The following FRMD4A variants were observed in gnomAD, a reference collection of about 807,000 sequenced individuals.
FRMD4A encodes the protein FERM domain containing 4A, also known as FERM domain-containing protein 4A.
A neutral mutation model predicts 129.1 loss-of-function variants in FRMD4A; 29 were observed. That is an observed-to-expected ratio of 0.22 (90% CI 0.17 to 0.31). The LOEUF is 0.31. FRMD4A is among the 10% of genes least tolerant of loss of function. The probability of loss-of-function intolerance (pLI) is 1.00; values close to 1 mark genes in which losing one functional copy is unlikely to be tolerated. For missense variants in FRMD4A, 1,272 were observed against 1,375.8 expected (o/e 0.92, Z 1.19); for synonymous variants, 634 against 571.6 (o/e 1.11, Z -1.56).
At chr10:14,002,482 C>T (rs898427492) in intron 2 of FRMD4A, among the ~76,000 whole-genome samples, 6 of 152,156 alleles carry the variant, frequency 3.9e-5, no homozygotes, top group African/African-American at 1.4e-4. Flanking sequence ...GAGGCTGTTC[C>T]AGTGTAGGTC....
chr10:13,984,115 G>C (rs2095572561), intron 2 of FRMD4A, among the ~76,000 whole-genome samples: 1 of 152,148 alleles, frequency 6.6e-6, no homozygotes, highest in Non-Finnish European at 1.5e-5. Flanking sequence ...TCTGACCACG[G>C]TGAAGTGGCC....
At chr10:14,125,102 A>G (rs972338258) in intron 2 of FRMD4A, among the ~76,000 whole-genome samples, 1 of 152,206 alleles carries the variant, frequency 6.6e-6, no homozygotes, top group Admixed American at 6.5e-5. Context: ...TATCACCGGA[A>G]TGCAGCAGAA....
chr10:13,954,072 A>G (rs888757880), intron 2 of FRMD4A, among the ~76,000 whole-genome samples: 4 of 152,260 alleles, frequency 2.6e-5, no homozygotes, highest in Non-Finnish European at 5.9e-5. Flanking sequence ...CTAGGACATC[A>G]GGGCAGAAAC....
At chr10:14,175,917 G>C (rs961782788) in intron 2 of FRMD4A, among the ~76,000 whole-genome samples, 5 of 152,326 alleles carry the variant, frequency 3.3e-5, no homozygotes, top group Admixed American at 3.3e-4. Flanking sequence ...CCTTTGACCA[G>C]AGTCTTAGCA....
chr10:14,158,268 G>A (rs369110425), intron 2 of FRMD4A, among the ~76,000 whole-genome samples: 1 of 152,182 alleles, frequency 6.6e-6, no homozygotes, highest in East Asian at 1.9e-4. Context: ...GGAAATGAGT[G>A]TTGGAGATGA....
At chr10:14,026,614 A>G (rs978819404) in intron 2 of FRMD4A, among the ~76,000 whole-genome samples, 1 of 152,212 alleles carries the variant, frequency 6.6e-6, no homozygotes, top group African/African-American at 2.4e-5. Flanking sequence ...TATTTCCCTG[A>G]TGGGCTAACT....
chr10:13,665,875 C>G (rs1192934927), intron 18 of FRMD4A, among the ~76,000 whole-genome samples: 1 of 152,206 alleles, frequency 6.6e-6, no homozygotes, highest in East Asian at 1.9e-4. Flanking sequence ...ATAGTGATAC[C>G]AACAGTTTGA....
intron 15 of FRMD4A, among the ~76,000 whole-genome samples, chr10:13,680,725 A>C (rs118136192): frequency 6.7e-6 from 1 of 148,716 alleles, no homozygotes; most frequent in Non-Finnish European, 1.5e-5. Context: ...GACTCCATTT[A>C]AAAAAAAAAA....
At chr10:14,108,061 A>G (rs371622315) in intron 2 of FRMD4A, among the ~76,000 whole-genome samples, 45 of 152,234 alleles carry the variant, frequency 3.0e-4, no homozygotes, top group African/African-American at 1.1e-3. Context: ...TTACATTCCC[A>G]CCAGCAATCT....
intron 2 of FRMD4A, chr10:14,087,573 G>A (rs1448728829): frequency 6.6e-6 from 1 of 152,092 alleles, no homozygotes; most frequent in Non-Finnish European, 1.5e-5. Flanking sequence ...GAGGTGCTCA[G>A]ACTGGCAGGT....
intron 2 of FRMD4A, among the ~76,000 whole-genome samples, chr10:14,001,077 G>T (rs1008732): frequency 6.6e-6 from 1 of 151,920 alleles, no homozygotes; most frequent in African/African-American, 2.4e-5. Context: ...AAACTAGCTG[G>T]TTTCCTTATG....
chr10:13,980,755 A>T (rs1266508560), intron 2 of FRMD4A, among the ~76,000 whole-genome samples: 6 of 152,178 alleles, frequency 3.9e-5, no homozygotes, highest in Admixed American at 3.9e-4. Context: ...TTAAAAATTA[A>T]ATTAAAAAAA....
chr10:14,025,140 T>C (rs1421658919), intron 2 of FRMD4A, among the ~76,000 whole-genome samples: 2 of 152,210 alleles, frequency 1.3e-5, no homozygotes, highest in African/African-American at 2.4e-5. Flanking sequence ...CCTCACACTG[T>C]CTTTCTTCTC....
At chr10:13,905,008 A>AAAAAAAG (rs2094866986) in intron 2 of FRMD4A, among the ~76,000 whole-genome samples, 1 of 151,056 alleles carries the variant, frequency 6.6e-6, no homozygotes, top group South Asian at 2.1e-4. Context: ...AAAAAAAAAA[A>AAAAAAAG]AAGAAAAGAA....
At chr10:13,662,358 A>G (rs2082698895) in intron 19 of FRMD4A, among the ~76,000 whole-genome samples, 1 of 152,190 alleles carries the variant, frequency 6.6e-6, no homozygotes, top group African/African-American at 2.4e-5. Flanking sequence ...TTATTATTGC[A>G]ATTATCATTA....
intron 13 of FRMD4A, among the ~76,000 whole-genome samples, chr10:13,704,984 G>A (rs1215349426): frequency 6.6e-6 from 1 of 152,142 alleles, no homozygotes; most frequent in Admixed American, 6.5e-5. Context: ...TGAGGTGGGA[G>A]AATTGCTTGA....
intron 2 of FRMD4A, among the ~76,000 whole-genome samples, chr10:14,305,955 C>T (rs1382280745): frequency 1.3e-5 from 2 of 152,100 alleles, no homozygotes; most frequent in African/African-American, 4.8e-5. Flanking sequence ...AGAAACAAAA[C>T]ACATTGGGAC....
intron 2 of FRMD4A, among the ~76,000 whole-genome samples, chr10:14,147,599 A>G (rs1589076192): frequency 6.6e-6 from 1 of 152,094 alleles, no homozygotes; most frequent in Admixed American, 6.6e-5. Flanking sequence ...TTCATAAGGC[A>G]TTAGATTCTC....
chr10:13,883,625 G>A (rs376826093), intron 2 of FRMD4A, among the ~76,000 whole-genome samples: 2 of 152,140 alleles, frequency 1.3e-5, no homozygotes, highest in African/African-American at 2.4e-5. Flanking sequence ...AATCTCTATC[G>A]ACTAATTTAC....
Sources: allele counts gnomAD v4.1 joint callset (sites outside exome capture counted in the v4.1 genomes callset), GRCh38; gene constraint gnomAD v4.1.1; transcripts MANE v1.5; gene names NCBI Gene and HGNC (gene_info 2026-07-23, HGNC 2026-07-21).